C16orf96: variants seen among roughly 807,000 people sequenced by gnomAD.
C16orf96 encodes uncharacterized protein C16orf96.
A neutral mutation model predicts 103.6 loss-of-function variants in C16orf96; 108 were observed. The ratio of observed to expected loss-of-function variants is 1.04; its 90% CI spans 0.89 to 1.22. C16orf96 has a LOEUF of 1.22. Ranked by LOEUF, C16orf96 falls within the 50% of genes most tolerant of loss-of-function variation. The pLI, the probability that C16orf96 is intolerant of heterozygous loss-of-function variation, is 0.00. For synonymous variants in C16orf96, 566 were observed against 593.5 expected (o/e 0.95, Z 0.67); for missense variants, 1,586 against 1,464.2 (o/e 1.08, Z -1.36).
chr16:4,590,097 G>C (rs1298965473), intron 9 of C16orf96, among the ~76,000 whole-genome samples: 2 of 151,590 alleles, frequency 1.3e-5, no homozygotes, highest in African/African-American at 4.9e-5. Flanking sequence ...CTGCACTCCA[G>C]CCTGGGCGAC....
chr16:4,539,359 T>C, the C16orf96 span, among the ~76,000 whole-genome samples: 4 of 152,188 alleles, frequency 2.6e-5, no homozygotes, highest in African/African-American at 9.6e-5. Context: ...GCTTCCTTTG[T>C]AAGAGTAACA....
At chr16:4,562,193 T>C (rs902491360) in intron 1 of C16orf96, among the ~76,000 whole-genome samples, 1 of 152,084 alleles carries the variant, frequency 6.6e-6, no homozygotes, top group African/African-American at 2.4e-5. Context: ...GAGAAAAGAT[T>C]GCCAGGTGTG....
chr16:4,595,832 G>A (rs998308722), intron 14 of C16orf96, among the ~76,000 whole-genome samples: 4 of 151,888 alleles, frequency 2.6e-5, no homozygotes, highest in Non-Finnish European at 5.9e-5. Context: ...TCAGCCTCCC[G>A]AGTAGCTGGG....
chr16:4,566,051 A>T (rs1231970369), intron 1 of C16orf96, among the ~76,000 whole-genome samples: 1 of 152,050 alleles, frequency 6.6e-6, no homozygotes, highest in Non-Finnish European at 1.5e-5. Flanking sequence ...CTGTGTTAAC[A>T]GCCCACGCTG....
rs1216861027 is a variant in C16orf96, at chr16:4,593,351, C to G, written c.2867+35C>G. The G allele has an allele frequency of 2.0e-6, 3 of 1,530,160 alleles. No homozygotes were observed. In the Admixed American group the frequency reaches 5.9e-5, roughly 30 times the overall value. 94.8% of individuals were successfully genotyped at this position (1,530,160 alleles called of 1,614,324 possible). A position where few individuals can be genotyped will look rare whatever the true frequency, so the allele number is the denominator to read the frequency against. ...ATGGGCGCCCCGCAGGGAGGCCGCC[C>G]CGCATGGAGGCCACTCTGGAGCCTG... On this transcript the variant is annotated intron_variant, in intron 12 of 15. Coordinates refer to ENST00000444310, the MANE Select transcript of C16orf96 (RefSeq NM_001145011.2). This position sits in a 1 kb window ranked among gnomAD's most constrained non-coding sequence, Gnocchi z 4.2.
chr16:4,596,044 A>G (rs1353571270), intron 14 of C16orf96, among the ~76,000 whole-genome samples: 1 of 152,068 alleles, frequency 6.6e-6, no homozygotes, highest in Non-Finnish European at 1.5e-5. Context: ...AAGACCAGAC[A>G]TGGAAGAAGG....
intron 1 of C16orf96, among the ~76,000 whole-genome samples, chr16:4,564,384 G>T (rs1219973258): frequency 2.0e-5 from 3 of 152,140 alleles, no homozygotes; most frequent in Non-Finnish European, 4.4e-5. Flanking sequence ...CCGGGAGAGG[G>T]ATCCAGTCTA....
chr16:4,570,766 C>CGCA (rs1241530136), intron 1 of C16orf96, among the ~76,000 whole-genome samples: 1 of 152,084 alleles, frequency 6.6e-6, no homozygotes, highest in African/African-American at 2.4e-5. Context: ...GCGCCAAGCT[C>CGCA]GCAACACACT....
Position 4,588,291 on chromosome 16 carries a change from A to G in C16orf96, c.2552A>G (p.Lys851Arg), listed in dbSNP as rs1417638449. ...FKVTIHEDSWKKAMEELSKDV... is the reference protein window; with the variant it reads ...FKVTIHEDSWRKAMEELSKDV... ...GTCACGATCCATGAGGACAGCTGGA[A>G]GAAGGCTATGGAGGAGCTCAGCAAG... The change falls in exon 9 of 16, where the codon AAG becomes AGG. Residue 851 changes from lysine (K) to arginine (R), a missense_variant. Physicochemically the swap from Lys to Arg is conservative, Grantham distance 26. Coordinates refer to ENST00000444310, the MANE Select transcript of C16orf96 (RefSeq NM_001145011.2). 1 of 1,551,730 alleles carries G rather than the reference A, an allele frequency of 6.4e-7. No homozygotes were observed. The highest frequency in any genetic ancestry group is 1.2e-5 in the South Asian group (1 of 84,058).
intron 2 of C16orf96, among the ~76,000 whole-genome samples, chr16:4,572,834 A>G (rs1265119802): frequency 6.6e-6 from 1 of 152,172 alleles, no homozygotes; most frequent in East Asian, 1.9e-4. Flanking sequence ...AGTATTTTCT[A>G]ACACCCTACC....
chr16:4,587,052 A>C lies in C16orf96; in HGVS notation c.2366A>C (p.Gln789Pro). Residue 789 changes from glutamine (Q) to proline (P), a missense_variant, in exon 8 of 16, where the codon CAA (glutamine) becomes CCA (proline). Physicochemically the swap from Gln to Pro is moderately conservative, Grantham distance 76. Transcript: ENST00000444310. Reference sequence around the variant, plus strand: ...TTCTGTTCTTAGACTCTCCAGGCTCAAATCAAAAGACTGGAAATGAACAAG... The same window carrying C: ...TTCTGTTCTTAGACTCTCCAGGCTCCAATCAAAAGACTGGAAATGAACAAG... ...RMDEFKTLQAQIKRLEMNKVN... is the reference protein window; with the variant it reads ...RMDEFKTLQAPIKRLEMNKVN... The C allele has an allele frequency of 2.6e-6, 4 of 1,551,602 alleles. No homozygotes were observed. Among genetic ancestry groups the C allele is most frequent in the Non-Finnish European group, 3.5e-6 (4 of 1,146,928 alleles).
intron 5 of C16orf96, 56 bp from the exon 6 acceptor site, chr16:4,578,884 C>A: frequency 7.1e-7 from 1 of 1,402,044 alleles, no homozygotes. Context: ...TAGAGCCCAA[C>A]AGAAACATCT....
chr16:4,575,789 C>T lies in C16orf96; in HGVS notation c.1309C>T (p.Pro437Ser), dbSNP rs199607902. 6.4e-6 allele frequency: 10 copies of T among 1,550,704 alleles called. No individual in the cohort carries two copies. In the African/African-American group the frequency reaches 1.1e-4, roughly 17 times the overall value. ...TGAGTTTGGCTCATTGTGGCCTCGA[C>T]CACTCCAGCCATATCAGTCTCGCCA... Reference protein sequence around the residue: ...ATEFGSLWPRPLQPYQSRQGE... With the variant: ...ATEFGSLWPRSLQPYQSRQGE... The change falls in exon 5 of 16, where the codon CCA becomes TCA. Residue 437 changes from proline (P) to serine (S), a missense_variant. Pro to Ser is a moderately conservative substitution (Grantham distance 74). Transcript: ENST00000444310.
the C16orf96 span, among the ~76,000 whole-genome samples, chr16:4,546,457 C>G: frequency 3.8e-5 from 4 of 104,552 alleles, no homozygotes; most frequent in African/African-American, 1.4e-4. Context: ...CGCGCCCGGA[C>G]TTTTTTTTTT....
Position 4,587,030 on chromosome 16 carries a change from T to TA in C16orf96, c.2353-9_2353-8insA. 1 of 1,551,156 alleles carries TA rather than the reference T, an allele frequency of 6.4e-7. No individual in the cohort carries two copies. The highest frequency in any genetic ancestry group is 8.7e-7 in the Non-Finnish European group (1 of 1,146,656). On this transcript the variant is annotated splice_polypyrimidine_tract_variant and intron_variant, in intron 7 of 15. Coordinates refer to ENST00000444310, the MANE Select transcript of C16orf96 (RefSeq NM_001145011.2). ...AGGATGGCAGACATGCCTGTGCTTCTGTTCTTAGACTCTCCAGGCTCAAAT... is the reference window on the plus strand; with the variant it reads ...AGGATGGCAGACATGCCTGTGCTTCTAGTTCTTAGACTCTCCAGGCTCAAAT...
intron 2 of C16orf96, 130 bp downstream of exon 2, chr16:4,571,795 C>T: frequency 1.4e-6 from 1 of 737,890 alleles, no homozygotes; most frequent in South Asian, 1.9e-5. Context: ...GTCATGTGGA[C>T]CCTCCAATTG....
Position 4,576,359 on chromosome 16 carries a change from G to C in C16orf96, c.1879G>C (p.Gly627Arg), listed in dbSNP as rs2059509359. Residue 627 changes from glycine (G) to arginine (R), a missense_variant, in exon 5 of 16, where the codon GGG becomes CGG. Transcript: ENST00000444310. ...LGVFADVLGA[G>R]PSRGATESQI... Reference sequence around the variant, plus strand: ...GGTCTTTGCAGATGTCCTGGGTGCAGGGCCTTCCCGGGGAGCCACAGAATC... The same window carrying C: ...GGTCTTTGCAGATGTCCTGGGTGCACGGCCTTCCCGGGGAGCCACAGAATC... 2.6e-6 allele frequency: 4 copies of C among 1,550,780 alleles called. No homozygotes were observed. In the East Asian group the frequency reaches 9.8e-5, roughly 38 times the overall value.
chr16:4,554,458 C>T (rs2059245173), upstream of C16orf96, among the ~76,000 whole-genome samples: 2 of 151,574 alleles, frequency 1.3e-5, no homozygotes, highest in Admixed American at 6.6e-5. Context: ...TCAAACGATT[C>T]TTCTGCCTCA....
intron 7 of C16orf96, 66 bp downstream of exon 7, chr16:4,580,191 G>A: frequency 3.9e-6 from 5 of 1,293,316 alleles, no homozygotes; most frequent in Non-Finnish European, 5.2e-6. Context: ...AGACCTTCTG[G>A]CCCTTCCCGA....
Sources: gnomAD v4.1 joint callset for allele counts (sites outside exome capture counted in the v4.1 genomes callset) on GRCh38, gnomAD v4.1.1 for gene constraint, Gnocchi (gnomAD v3.1) non-coding constraint, MANE v1.5 for transcripts, NCBI Gene and HGNC (gene_info 2026-07-23, HGNC 2026-07-21) for gene names.